CLNS1A: variants seen among roughly 807,000 people sequenced by gnomAD.
CLNS1A encodes chloride nucleotide-sensitive channel 1A.
A neutral mutation model predicts 29.4 loss-of-function variants in CLNS1A; 16 were observed. The ratio of observed to expected loss-of-function variants is 0.54; its 90% CI spans 0.37 to 0.83. The LOEUF (loss-of-function observed/expected upper bound fraction) is 0.83. Among genes scored for constraint, CLNS1A ranks in the 40% least tolerant of loss-of-function variants. CLNS1A has a pLI of 0.00. For synonymous variants in CLNS1A, 96 were observed against 104.8 expected, an observed-to-expected ratio of 0.92 and a Z score of 0.51; for missense variants, 235 against 287.4, an observed-to-expected ratio of 0.82 and a Z score of 1.32.
chr11:77,634,769 T>C (rs1005678786), intron 1 of CLNS1A, among the ~76,000 whole-genome samples: 1 of 149,192 alleles, frequency 6.7e-6, no homozygotes, highest in Non-Finnish European at 1.5e-5. Flanking sequence ...ACATAAGAGA[T>C]TTGTTTGTGA....
intron 6 of CLNS1A, among the ~76,000 whole-genome samples, chr11:77,618,881 G>A (rs1958929937): frequency 6.6e-6 from 1 of 152,212 alleles, no homozygotes; most frequent in African/African-American, 2.4e-5. Flanking sequence ...GCAGAGTCAA[G>A]TCAAAACATA....
At position 77,622,320 on chromosome 11, in the gene CLNS1A, G is replaced by GA. The variant is rs578234369; in HGVS notation, c.646+179dup. 55 of 596,102 alleles carry GA rather than the reference G, an allele frequency of 9.2e-5. No individual in the cohort carries two copies. The Admixed American group carries it at 1.1e-3, about 12-fold the overall frequency. 36.9% of individuals were successfully genotyped at this position (596,102 alleles called of 1,614,324 possible). On this transcript the variant is annotated intron_variant, in intron 5 of 6. Coordinates refer to ENST00000525428, the MANE Select transcript of CLNS1A (RefSeq NM_001293.3). Reference sequence around the variant, plus strand: ...GAACAAAGACTTTTTTGGTAATGAGGAAAAAAAATCACTAAAAACAAATGA... The same window carrying GA: ...GAACAAAGACTTTTTTGGTAATGAGGAAAAAAAAATCACTAAAAACAAATGA...
At chr11:77,616,736 T>C (rs955574758) in intron 6 of CLNS1A, 41 bp from the exon 7 acceptor site, 6 of 152,262 alleles carry the variant, frequency 3.9e-5, no homozygotes, top group Admixed American at 3.9e-4. Flanking sequence ...GTAGTGATAA[T>C]AATAATAGCT....
intron 1 of CLNS1A, among the ~76,000 whole-genome samples, chr11:77,636,490 A>C (rs180900904): frequency 5.8e-4 from 88 of 152,306 alleles, no homozygotes; most frequent in Admixed American, 1.3e-3. Context: ...CCTGAAGCCT[A>C]AACCTTGTTC....
At chr11:77,637,488 C>T in intron 1 of CLNS1A, 102 bp downstream of exon 1, 3 of 1,422,650 alleles carry the variant, frequency 2.1e-6, no homozygotes, top group Non-Finnish European at 2.8e-6. Flanking sequence ...CCGCTCCCAG[C>T]AGGCCTCCAG....
At chr11:77,627,466 G>A (rs952326433) in intron 2 of CLNS1A, among the ~76,000 whole-genome samples, 4 of 151,302 alleles carry the variant, frequency 2.6e-5, no homozygotes, top group Middle Eastern at 3.4e-3. Flanking sequence ...AAAAGGAACT[G>A]GAGAATTAGT....
rs763807363 is a variant in CLNS1A at position 77,620,962 on chromosome 11, AC to A, written c.647-1268del. 4.6e-5 allele frequency among the ~76,000 whole-genome samples: 7 copies of A among 152,188 alleles called. No homozygotes were observed. In the East Asian group the frequency reaches 1.4e-3, roughly 30 times the overall value. On this transcript the variant is annotated intron_variant, in intron 5 of 6. Coordinates refer to ENST00000525428, the MANE Select transcript of CLNS1A (RefSeq NM_001293.3). ...ATGCCACTGCACTCCAGCCTGGGCAACAGAGTGAGACTCCGTCTTAAATAAA... is the reference window on the plus strand; with the variant it reads ...ATGCCACTGCACTCCAGCCTGGGCAAAGAGTGAGACTCCGTCTTAAATAAA...
chr11:77,624,395 C>T (rs985996591), intron 4 of CLNS1A, among the ~76,000 whole-genome samples: 2 of 152,172 alleles, frequency 1.3e-5, no homozygotes, highest in African/African-American at 4.8e-5. Flanking sequence ...CCCTATCTAC[C>T]ATTTTCTTTC....
At chr11:77,632,499 T>G (rs1208479336) in intron 1 of CLNS1A, among the ~76,000 whole-genome samples, 2 of 152,178 alleles carry the variant, frequency 1.3e-5, no homozygotes, top group Non-Finnish European at 2.9e-5. Context: ...AGAATACAAA[T>G]GCTCCTCTGC....
intron 1 of CLNS1A, among the ~76,000 whole-genome samples, chr11:77,633,867 G>A (rs1436232313): frequency 2.0e-5 from 3 of 152,152 alleles, no homozygotes; most frequent in Non-Finnish European, 4.4e-5. Context: ...TTGGGAGGCC[G>A]AGGCAGATGG....
At chr11:77,626,854 G>A (rs1182319773) in intron 2 of CLNS1A, among the ~76,000 whole-genome samples, 2 of 147,302 alleles carry the variant, frequency 1.4e-5, no homozygotes, top group Non-Finnish European at 3.0e-5. Flanking sequence ...ACCACACCTG[G>A]CTAATTTTTT....
intron 5 of CLNS1A, among the ~76,000 whole-genome samples, chr11:77,620,097 A>G (rs1470679216): frequency 6.6e-6 from 1 of 152,140 alleles, no homozygotes; most frequent in Non-Finnish European, 1.5e-5. Flanking sequence ...TTGTCATCTC[A>G]TTAAATAAAA....
chr11:77,632,176 T>A (rs775820882), intron 1 of CLNS1A, among the ~76,000 whole-genome samples: 20 of 152,254 alleles, frequency 1.3e-4, no homozygotes, highest in Non-Finnish European at 2.8e-4. Flanking sequence ...TCCTGCCCAC[T>A]GCTTTCCTTT....
chr11:77,632,794 G>GGTA (rs879477164), intron 1 of CLNS1A, among the ~76,000 whole-genome samples: 9 of 151,950 alleles, frequency 5.9e-5, no homozygotes, highest in Non-Finnish European at 1.0e-4. Context: ...AAAAAGATTT[G>GGTA]ACATTATAAG....
intron 1 of CLNS1A, among the ~76,000 whole-genome samples, chr11:77,634,714 ACT>A (rs1364568268): frequency 2.1e-5 from 3 of 139,634 alleles, no homozygotes; most frequent in South Asian, 2.3e-4. Flanking sequence ...ACAGAACAAG[ACT>A]CTGTCTCAAA....
At chr11:77,636,382 G>A (rs1959126059) in intron 1 of CLNS1A, among the ~76,000 whole-genome samples, 1 of 152,086 alleles carries the variant, frequency 6.6e-6, no homozygotes, top group Admixed American at 6.6e-5. Context: ...ACGGTCATAT[G>A]TACAACTACT....
intron 1 of CLNS1A, among the ~76,000 whole-genome samples, chr11:77,630,360 C>G (rs142123944): frequency 8.5e-4 from 130 of 152,294 alleles, no homozygotes; most frequent in Middle Eastern, 6.8e-3. Flanking sequence ...AACTATCGGA[C>G]AGCAGAACTT....
chr11:77,631,581 T>C (rs1234704729), intron 1 of CLNS1A, among the ~76,000 whole-genome samples: 1 of 151,930 alleles, frequency 6.6e-6, no homozygotes, highest in East Asian at 1.9e-4. Flanking sequence ...CCTCCCAAAG[T>C]GCTGGGATTA....
At chr11:77,621,637 C>A (rs146680224) in intron 5 of CLNS1A, among the ~76,000 whole-genome samples, 1 of 152,152 alleles carries the variant, frequency 6.6e-6, no homozygotes, top group Non-Finnish European at 1.5e-5. Context: ...GAGCGAAACT[C>A]CATCTTAAGA....
Sources: gnomAD v4.1 joint callset for allele counts (sites outside exome capture counted in the v4.1 genomes callset) on GRCh38, gnomAD v4.1.1 for gene constraint, MANE v1.5 for transcripts, NCBI Gene and HGNC (gene_info 2026-07-23, HGNC 2026-07-21) for gene names.